CDC42SE2: variants seen among roughly 807,000 people sequenced by gnomAD.
CDC42SE2 encodes the protein CDC42 small effector 2.
In CDC42SE2, 3 loss-of-function variants were observed where a neutral mutation model predicts 11.5. That is an observed-to-expected ratio of 0.26 (90% CI 0.12 to 0.67). The LOEUF is 0.67. Among genes scored for constraint, CDC42SE2 ranks in the 30% least tolerant of loss-of-function variants. The pLI, the probability that CDC42SE2 is intolerant of heterozygous loss-of-function variation, is 0.80. For missense variants in CDC42SE2, 82 were observed against 106.8 expected (o/e 0.77, Z 1.02); for synonymous variants, 33 against 34.8 (o/e 0.95, Z 0.18).
the CDC42SE2 span, among the ~76,000 whole-genome samples, chr5:131,226,585 C>T: frequency 6.6e-6 from 1 of 152,180 alleles, no homozygotes; most frequent in Non-Finnish European, 1.5e-5. Context: ...GATTACAGAA[C>T]ACTGGCTTTA....
At chr5:131,336,943 A>G (rs983167330) in intron 2 of CDC42SE2, among the ~76,000 whole-genome samples, 4 of 151,324 alleles carry the variant, frequency 2.6e-5, no homozygotes, top group Non-Finnish European at 5.9e-5. Context: ...GAGTAGTTTG[A>G]TCTTCTGAAG....
chr5:131,386,616 C>T (rs1269520740), intron 4 of CDC42SE2, among the ~76,000 whole-genome samples: 1 of 152,132 alleles, frequency 6.6e-6, no homozygotes, highest in Non-Finnish European at 1.5e-5. Flanking sequence ...ACCTTTTAGT[C>T]CTTAATTTTT....
chr5:131,319,004 C>T (rs944140177), intron 2 of CDC42SE2, among the ~76,000 whole-genome samples: 7 of 152,034 alleles, frequency 4.6e-5, no homozygotes, highest in African/African-American at 9.7e-5. Context: ...AGGGTTCAAG[C>T]GATTCTCCTG....
rs149527892 is a variant in CDC42SE2 at position 131,296,707 on chromosome 5, C to A, written c.-454-19269C>A. Among the ~76,000 whole-genome samples, 557 of 152,228 alleles carry A rather than the reference C, an allele frequency of 3.7e-3. 5 individuals are homozygous for A. Among genetic ancestry groups the A allele is most frequent in the African/African-American group, 0.012 (510 of 41,542 alleles). On this transcript the variant is annotated intron_variant, in intron 1 of 4. Transcript: ENST00000505065. ...CAACGTAAGGTCACATTCAGAGGTA[C>A]TGGGGGGGTTAGGATTTCAACATAT...
At chr5:131,310,036 G>A (rs1757868231) in intron 1 of CDC42SE2, among the ~76,000 whole-genome samples, 1 of 152,120 alleles carries the variant, frequency 6.6e-6, no homozygotes, top group Non-Finnish European at 1.5e-5. Flanking sequence ...TAATTGTGAT[G>A]TTAGGGTGTC....
the CDC42SE2 span, among the ~76,000 whole-genome samples, chr5:131,235,795 A>G: frequency 4.0e-5 from 6 of 151,488 alleles, no homozygotes; most frequent in Non-Finnish European, 8.8e-5. Context: ...GGGTTTCACT[A>G]TGTTGGCCGG....
rs534108948 is a variant in CDC42SE2, at chr5:131,370,417, CT to C, written c.54+10871del. Among the ~76,000 whole-genome samples the C allele has an allele frequency of 2.5e-4, 38 of 151,900 alleles. 3 individuals carry two copies. The South Asian group carries it at 7.9e-3, about 32-fold the overall frequency. Reference sequence around the variant, plus strand: ...TAATAGGCAACGTTAAGTGGAGTCACTATGTGTTCCTCTTAACTGGAAGATT... The same window carrying C: ...TAATAGGCAACGTTAAGTGGAGTCACATGTGTTCCTCTTAACTGGAAGATT... On this transcript the variant is annotated intron_variant, in intron 3 of 4. Coordinates refer to ENST00000505065, the MANE Select transcript of CDC42SE2 (RefSeq NM_001375635.1).
upstream of CDC42SE2, among the ~76,000 whole-genome samples, chr5:131,263,397 A>G (rs1756772901): frequency 6.6e-6 from 1 of 152,150 alleles, no homozygotes; most frequent in Non-Finnish European, 1.5e-5. Flanking sequence ...TGGCTGCTAG[A>G]TAGGGCACTC....
At chr5:131,249,012 A>G (rs934022906) in intron 1 of CDC42SE2, among the ~76,000 whole-genome samples, 2 of 115,312 alleles carry the variant, frequency 1.7e-5, no homozygotes, top group Non-Finnish European at 3.5e-5. Context: ...GCCAGGTTAC[A>G]TCTTTTTTTT....
At position 131,392,252 on chromosome 5, in the gene CDC42SE2, AT is replaced by A. The variant is rs1750682049; in HGVS notation, c.*1162del. On this transcript the variant is annotated 3_prime_UTR_variant, in exon 5 of 5. Transcript: ENST00000505065. Reference sequence around the variant, plus strand: ...ATTATTTGTTAATTTGCCATCATTTATGTATATTTTGGAAGGTATGAGACCC... The same window carrying A: ...ATTATTTGTTAATTTGCCATCATTTAGTATATTTTGGAAGGTATGAGACCC... The A allele has an allele frequency of 6.6e-6, 1 of 152,486 alleles. No individual in the cohort carries two copies. Among genetic ancestry groups the A allele is most frequent in the Non-Finnish European group, 1.5e-5 (1 of 68,004 alleles). 9.4% of individuals were successfully genotyped at this position (152,486 alleles called of 1,614,324 possible).
upstream of CDC42SE2, among the ~76,000 whole-genome samples, chr5:131,242,923 G>A (rs893109279): frequency 6.6e-6 from 1 of 152,230 alleles, no homozygotes; most frequent in Admixed American, 6.5e-5. Context: ...AAGGGCACAG[G>A]GCACTGATTT....
At chr5:131,279,918 C>T (rs989924209) in intron 1 of CDC42SE2, among the ~76,000 whole-genome samples, 1 of 151,962 alleles carries the variant, frequency 6.6e-6, no homozygotes, top group Non-Finnish European at 1.5e-5. Flanking sequence ...ATAAAAAATA[C>T]AAAAATTAGC....
the CDC42SE2 span, among the ~76,000 whole-genome samples, chr5:131,231,780 T>C: frequency 6.6e-6 from 1 of 151,100 alleles, no homozygotes; most frequent in Non-Finnish European, 1.5e-5. Flanking sequence ...TGTTATACTT[T>C]TTTTTCTTTT....
intron 1 of CDC42SE2, among the ~76,000 whole-genome samples, chr5:131,291,560 A>G (rs751191877): frequency 6.6e-6 from 1 of 152,154 alleles, no homozygotes; most frequent in Non-Finnish European, 1.5e-5. Context: ...TATAGAGTCC[A>G]GCATGCTCCT....
At chr5:131,233,730 T>C in the CDC42SE2 span, among the ~76,000 whole-genome samples, 289 of 152,346 alleles carry the variant, frequency 1.9e-3, no homozygotes, top group Admixed American at 4.4e-3. Flanking sequence ...TGTATATTTG[T>C]AGTATAAATT....
chr5:131,390,988 T>TTTAGG lies in CDC42SE2; in HGVS notation c.157_161dup. The stretch of plus-strand genomic sequence containing the variant: ...TTGTTTTGTTGTATTTTTGTCTTGT[T>TTTAGG]TTAGGTTAGCTCCATTCAGAACCAA... On this transcript the variant is annotated splice_region_variant and splice_polypyrimidine_tract_variant and intron_variant, in intron 4 of 4. Coordinates refer to ENST00000505065, the MANE Select transcript of CDC42SE2 (RefSeq NM_001375635.1). The TTTAGG allele has an allele frequency of 1.2e-6, 2 of 1,603,848 alleles. No homozygotes were observed.
intron 3 of CDC42SE2, among the ~76,000 whole-genome samples, chr5:131,383,653 G>A (rs1750390049): frequency 6.6e-6 from 1 of 152,154 alleles, no homozygotes; most frequent in African/African-American, 2.4e-5. Flanking sequence ...AAAATCTAGA[G>A]CTGGGGTCAG....
the CDC42SE2 span, among the ~76,000 whole-genome samples, chr5:131,216,109 C>A: frequency 6.6e-6 from 1 of 152,174 alleles, no homozygotes; most frequent in Non-Finnish European, 1.5e-5. Context: ...GTGTTTAAAC[C>A]ACTTGGTAGT....
chr5:131,229,891 G>A, the CDC42SE2 span, among the ~76,000 whole-genome samples: 4 of 152,088 alleles, frequency 2.6e-5, no homozygotes, highest in Admixed American at 6.6e-5. Flanking sequence ...TCAAGATTAC[G>A]CCACTGCACT....
Sources: gnomAD v4.1 joint callset for allele counts (sites outside exome capture counted in the v4.1 genomes callset) on GRCh38, gnomAD v4.1.1 for gene constraint, MANE v1.5 for transcripts, NCBI Gene and HGNC (gene_info 2026-07-23, HGNC 2026-07-21) for gene names.